ADAM32: variants seen among roughly 807,000 people sequenced by gnomAD.
The protein encoded by ADAM32 is disintegrin and metalloproteinase domain-containing protein 32.
In ADAM32, 89 loss-of-function variants were observed where a neutral mutation model predicts 114.9. The observed-to-expected ratio is 0.77, with a 90% CI of 0.65 to 0.92. The LOEUF (loss-of-function observed/expected upper bound fraction) is 0.92, where lower values mean the gene tolerates loss of function less well. Among genes scored for constraint, ADAM32 ranks in the 40% least tolerant of loss-of-function variants. The pLI, the probability that ADAM32 is intolerant of heterozygous loss-of-function variation, is 0.00. For synonymous variants in ADAM32, 285 were observed against 307.5 expected (o/e 0.93, Z 0.77); for missense variants, 870 against 932.8 (o/e 0.93, Z 0.88).
intron 10 of ADAM32, among the ~76,000 whole-genome samples, chr8:39,182,141 CA>C (rs796801643): frequency 5.3e-5 from 8 of 152,084 alleles, no homozygotes; most frequent in African/African-American, 1.7e-4. Flanking sequence ...AGTTCAGAAA[CA>C]AAAAAATGTA....
At chr8:39,218,856 C>A (rs1808760561) in intron 12 of ADAM32, among the ~76,000 whole-genome samples, 1 of 151,982 alleles carries the variant, frequency 6.6e-6, no homozygotes, top group Admixed American at 6.5e-5. Flanking sequence ...TGGTGCTCTA[C>A]CCCACTGTGG....
intron 11 of ADAM32, among the ~76,000 whole-genome samples, chr8:39,188,551 T>C (rs1198235470): frequency 1.3e-5 from 2 of 152,182 alleles, no homozygotes; most frequent in East Asian, 3.8e-4. Flanking sequence ...AATATTTACA[T>C]TGTACTTACT....
intron 14 of ADAM32, among the ~76,000 whole-genome samples, chr8:39,227,034 C>A (rs749784227): frequency 3.3e-5 from 5 of 152,124 alleles, no homozygotes; most frequent in Non-Finnish European, 7.3e-5. Flanking sequence ...ATTACAGCTC[C>A]GGAAGGGACA....
intron 7 of ADAM32, among the ~76,000 whole-genome samples, chr8:39,161,491 A>G (rs946635976): frequency 6.6e-6 from 1 of 152,222 alleles, no homozygotes; most frequent in Non-Finnish European, 1.5e-5. Flanking sequence ...TTCCATAAAC[A>G]GTCTGAGGCC....
chr8:39,148,982 T>C (rs1803665587), intron 4 of ADAM32, among the ~76,000 whole-genome samples: 8 of 152,254 alleles, frequency 5.3e-5, no homozygotes, highest in Admixed American at 4.6e-4. Flanking sequence ...GCCTGGAGTA[T>C]GGTTTCTATT....
intron 12 of ADAM32, among the ~76,000 whole-genome samples, chr8:39,216,724 G>C (rs1272608870): frequency 6.6e-6 from 1 of 151,910 alleles, no homozygotes; most frequent in Non-Finnish European, 1.5e-5. Context: ...CAAAAAGAAG[G>C]CTAATAAAAA....
chr8:39,220,594 T>C (rs1387657429), intron 12 of ADAM32, among the ~76,000 whole-genome samples: 1 of 152,012 alleles, frequency 6.6e-6, no homozygotes, highest in Admixed American at 6.6e-5. Flanking sequence ...CTGTATCTCA[T>C]AGGTTTTGTT....
intron 11 of ADAM32, among the ~76,000 whole-genome samples, chr8:39,194,417 A>G (rs934426131): frequency 2.2e-4 from 33 of 152,070 alleles, no homozygotes; most frequent in African/African-American, 7.0e-4. Context: ...GGTGCACCTG[A>G]ACTGACGGGG....
chr8:39,227,280 A>C (rs1809444875), intron 14 of ADAM32, among the ~76,000 whole-genome samples: 1 of 152,144 alleles, frequency 6.6e-6, no homozygotes, highest in Admixed American at 6.5e-5. Flanking sequence ...TTGAGGGAGA[A>C]GTTTCCGACC....
chr8:39,147,254 T>C, intron 4 of ADAM32, 49 bp downstream of exon 4: 1 of 780,936 alleles, frequency 1.3e-6, no homozygotes, highest in Non-Finnish European at 1.7e-6. Flanking sequence ...TTTTTTTACA[T>C]TAAATAAATG....
chr8:39,130,243 T>C (rs1771341187), intron 2 of ADAM32: 2 of 153,390 alleles, frequency 1.3e-5, no homozygotes, highest in African/African-American at 2.4e-5. Flanking sequence ...TAAGGGACAG[T>C]AGAGAAGTAC....
At chr8:39,142,101 C>T (rs991136058) in intron 3 of ADAM32, among the ~76,000 whole-genome samples, 20 of 151,652 alleles carry the variant, frequency 1.3e-4, no homozygotes, top group African/African-American at 4.1e-4. Flanking sequence ...TTAAGTGGCA[C>T]GTGAGATGGA....
At chr8:39,116,637 C>A (rs996083174) in intron 1 of ADAM32, among the ~76,000 whole-genome samples, 1 of 152,092 alleles carries the variant, frequency 6.6e-6, no homozygotes, top group Non-Finnish European at 1.5e-5. Flanking sequence ...AGCCTTTGGG[C>A]AGAAACTATA....
chr8:39,190,249 T>C (rs1175416041), intron 11 of ADAM32, among the ~76,000 whole-genome samples: 1 of 152,238 alleles, frequency 6.6e-6, no homozygotes, highest in Non-Finnish European at 1.5e-5. Context: ...GGCTGAATAG[T>C]ATTCCATTGT....
intron 10 of ADAM32, among the ~76,000 whole-genome samples, chr8:39,181,194 C>A (rs1805864541): frequency 6.6e-6 from 1 of 152,194 alleles, no homozygotes; most frequent in Non-Finnish European, 1.5e-5. Flanking sequence ...CTTGCTACTG[C>A]TCACTCTTTG....
At chr8:39,147,620 T>C (rs1446694334) in intron 4 of ADAM32, among the ~76,000 whole-genome samples, 1 of 152,040 alleles carries the variant, frequency 6.6e-6, no homozygotes, top group Non-Finnish European at 1.5e-5. Context: ...TCAAACTAAG[T>C]GTCCAGCATC....
intron 19 of ADAM32, among the ~76,000 whole-genome samples, chr8:39,261,335 T>C (rs1812015961): frequency 6.6e-6 from 1 of 152,188 alleles, no homozygotes; most frequent in Non-Finnish European, 1.5e-5. Flanking sequence ...TTTCTGTTCC[T>C]GGCTTATTTC....
intron 10 of ADAM32, among the ~76,000 whole-genome samples, chr8:39,171,019 C>T (rs777757627): frequency 1.3e-5 from 2 of 152,202 alleles, no homozygotes; most frequent in Non-Finnish European, 2.9e-5. Flanking sequence ...CTGCAACCTC[C>T]GCCTCCAAGG....
chr8:39,156,496 A>AT (rs1461468865), intron 6 of ADAM32, among the ~76,000 whole-genome samples: 1 of 152,002 alleles, frequency 6.6e-6, no homozygotes, highest in Non-Finnish European at 1.5e-5. Context: ...TGTGTTTTTA[A>AT]TTTCTTTTAT....
Sources: gnomAD v4.1 joint callset for allele counts (sites outside exome capture counted in the v4.1 genomes callset) on GRCh38, gnomAD v4.1.1 for gene constraint, MANE v1.5 for transcripts, NCBI Gene and HGNC (gene_info 2026-07-23, HGNC 2026-07-21) for gene names.